The following MBP variants were observed in gnomAD, a reference collection of about 807,000 sequenced individuals.
MBP encodes myelin basic protein, also known as Golli-MBP.
MBP carries 16 observed loss-of-function variants against 35.8 expected under a neutral mutation model. The observed-to-expected ratio is 0.45, with a 90% CI of 0.30 to 0.68. MBP has a LOEUF of 0.68. Ranked by LOEUF, MBP falls within the 30% of genes least tolerant of loss-of-function variation. The pLI, the probability that MBP is intolerant of heterozygous loss-of-function variation, is 0.08. For missense variants in MBP, 380 were observed against 404.7 expected, an observed-to-expected ratio of 0.94 and a Z score of 0.52; for synonymous variants, 143 against 159.6, an observed-to-expected ratio of 0.90 and a Z score of 0.78.
At chr18:77,040,847 A>T (rs1277750763) in intron 3 of MBP, among the ~76,000 whole-genome samples, 7 of 152,250 alleles carry the variant, frequency 4.6e-5, no homozygotes, top group Non-Finnish European at 1.5e-5. Flanking sequence ...AACCTAGGCA[A>T]TACCATTGAG....
At chr18:77,112,926 T>A (rs948593032) in intron 1 of MBP, 3 of 152,170 alleles carry the variant, frequency 2.0e-5, no homozygotes, top group African/African-American at 7.2e-5. Context: ...CTGATGTTCT[T>A]ACAAGAGAAA....
At position 77,019,911 on chromosome 18, in the gene MBP, A is replaced by C. The variant is rs78080860; in HGVS notation, c.140-2643T>G. Among the ~76,000 whole-genome samples the C allele has an allele frequency of 2.8e-3, 421 of 151,968 alleles. 2 individuals carry two copies. The East Asian group carries it at 0.03, about 11-fold the overall frequency. ...GTCCAGGAGGATGGCCGGGCTGAGA[A>C]CCTCCCAGGCCAGGCAGTAACCTGG... On this transcript the variant is annotated intron_variant, in intron 3 of 8. Transcript: ENST00000355994.
At chr18:77,121,136 AAAAAAT>A (rs942629461) in intron 1 of MBP, among the ~76,000 whole-genome samples, 1 of 152,078 alleles carries the variant, frequency 6.6e-6, no homozygotes, top group African/African-American at 2.4e-5. Flanking sequence ...TTGTCTCCAC[AAAAAAT>A]AAAAATACAA....
rs141888125 is a variant in MBP at position 76,988,891 on chromosome 18, G to C, written c.703C>G (p.Pro235Ala). The C allele has an allele frequency of 6.8e-6, 11 of 1,614,012 alleles. No homozygotes were observed. Among genetic ancestry groups the C allele is most frequent in the East Asian group, 2.2e-5 (1 of 44,860 alleles). The change falls in exon 6 of 9, where the codon CCG becomes GCG. Residue 235 changes from proline (P) to alanine (A), a missense_variant. Coordinates refer to ENST00000355994, the MANE Select transcript of MBP (RefSeq NM_001025101.2). The surrounding 1 kb of genome is among the most constrained non-coding windows in gnomAD (Gnocchi z 5.2). ...CAAGGTCTTACCTTTCCCTGCGACG[G>C]GGGTGGTGTGCGAGGCGTCACCTGG... ...KNIVTPRTPP[P>A]SQGKGRGLSL...
chr18:77,079,980 T>A (rs950726123), intron 2 of MBP, among the ~76,000 whole-genome samples: 2 of 152,202 alleles, frequency 1.3e-5, no homozygotes, highest in Non-Finnish European at 2.9e-5. Flanking sequence ...AGTCTACTAG[T>A]ATTTTATGTG....
chr18:77,032,502 G>A (rs1972580544), intron 3 of MBP, among the ~76,000 whole-genome samples: 1 of 152,228 alleles, frequency 6.6e-6, no homozygotes, highest in Non-Finnish European at 1.5e-5. Flanking sequence ...CCACAGGAGA[G>A]GCAGCCGTGT....
At chr18:77,012,528 G>A (rs1034083716) in intron 4 of MBP, among the ~76,000 whole-genome samples, 4 of 152,196 alleles carry the variant, frequency 2.6e-5, no homozygotes. Flanking sequence ...AGTAAAAGCA[G>A]ATGAGTGAGC....
chr18:76,987,505 C>T (rs1429468755), intron 7 of MBP: 1 of 985,582 alleles, frequency 1.0e-6, no homozygotes, highest in East Asian at 1.1e-4. Context: ...CTTCCTCCCT[C>T]TCTTCCTTCC....
chr18:77,107,075 T>C (rs1976302014), intron 1 of MBP, among the ~76,000 whole-genome samples: 1 of 152,156 alleles, frequency 6.6e-6, no homozygotes, highest in African/African-American at 2.4e-5. Flanking sequence ...CCTCTCTAAT[T>C]CCATGTGGTG....
chr18:77,038,848 CAG>C, intron 3 of MBP, among the ~76,000 whole-genome samples: 1 of 152,192 alleles, frequency 6.6e-6, no homozygotes, highest in South Asian at 2.1e-4. Flanking sequence ...TAAGAGTGGC[CAG>C]AGTTTTTCAT....
At chr18:77,098,495 T>G (rs1010331857) in intron 2 of MBP, among the ~76,000 whole-genome samples, 5 of 152,132 alleles carry the variant, frequency 3.3e-5, no homozygotes, top group Middle Eastern at 3.2e-3. Flanking sequence ...GAACAAGCAT[T>G]TAAAACATTC....
chr18:77,118,330 C>A (rs1464572249), intron 1 of MBP, among the ~76,000 whole-genome samples: 5 of 151,832 alleles, frequency 3.3e-5, no homozygotes, highest in African/African-American at 1.2e-4. Context: ...TCTCTGAGCT[C>A]CACCCACCAC....
chr18:77,062,069 G>A (rs1253675054), intron 3 of MBP, among the ~76,000 whole-genome samples: 1 of 152,216 alleles, frequency 6.6e-6, no homozygotes, highest in Admixed American at 6.5e-5. Context: ...ACATGACACG[G>A]AGTCCACATC....
chr18:77,055,577 CTCTT>C (rs1438445432), intron 3 of MBP, among the ~76,000 whole-genome samples: 1 of 147,720 alleles, frequency 6.8e-6, no homozygotes, highest in African/African-American at 2.4e-5. Context: ...CCTTTTCTTT[CTCTT>C]TCTTTCTCTC....
chr18:77,105,047 C>CA (rs1555729830), intron 2 of MBP, among the ~76,000 whole-genome samples, 164 bp downstream of exon 2: 1 of 12,590 alleles, frequency 7.9e-5, no homozygotes, highest in Non-Finnish European at 3.0e-3. Flanking sequence ...CGTAATAAAT[C>CA]ATAATTAATT....
chr18:77,059,621 CAG>C (rs780350609), intron 3 of MBP, among the ~76,000 whole-genome samples: 296 of 151,956 alleles, frequency 1.9e-3, no homozygotes, highest in Non-Finnish European at 3.0e-3. Context: ...CTTAAAAAAT[CAG>C]GGGAATATTA....
intron 2 of MBP, among the ~76,000 whole-genome samples, chr18:77,072,753 G>A (rs2013963): frequency 0.15 from 22,438 of 152,192 alleles, 1,887 homozygotes; most frequent in East Asian, 0.3. Context: ...ATGTAGTGCC[G>A]CCCGCAGCGC....
rs1338148490 is a variant in MBP, at chr18:77,102,247, C to T, written c.51+2964G>A. ...CCGGGCAGCCCCCACCGCAGCTGCCCTCCCTGCTGACAGATCAGTAACCAG... is the reference window on the plus strand; with the variant it reads ...CCGGGCAGCCCCCACCGCAGCTGCCTTCCCTGCTGACAGATCAGTAACCAG... On this transcript the variant is annotated intron_variant, in intron 2 of 8. Coordinates refer to ENST00000355994, the MANE Select transcript of MBP (RefSeq NM_001025101.2). The surrounding 1 kb of genome is among the most constrained non-coding windows in gnomAD (Gnocchi z 4.4). Among the ~76,000 whole-genome samples, 2 of 152,100 alleles carry T rather than the reference C, an allele frequency of 1.3e-5. No individual in the cohort carries two copies. The highest frequency in any genetic ancestry group is 3.9e-4 in the East Asian group (2 of 5,186).
intron 3 of MBP, among the ~76,000 whole-genome samples, chr18:77,032,450 C>T (rs573023216): frequency 9.3e-4 from 141 of 151,052 alleles, no homozygotes; most frequent in African/African-American, 3.2e-3. Flanking sequence ...TTTATTTGCT[C>T]CACATAGCTC....
Sources: gnomAD v4.1 joint callset for allele counts (sites outside exome capture counted in the v4.1 genomes callset) on GRCh38, gnomAD v4.1.1 for gene constraint, Gnocchi (gnomAD v3.1) non-coding constraint, MANE v1.5 for transcripts, NCBI Gene and HGNC (gene_info 2026-07-23, HGNC 2026-07-21) for gene names.